Variants in FAAH2 observed in about 807,000 individuals in gnomAD.
The protein encoded by FAAH2 is fatty-acid amide hydrolase 2.
FAAH2 carries 60 observed loss-of-function variants against 36.9 expected under a neutral mutation model. The observed-to-expected ratio is 1.63, with a 90% confidence interval of 1.32 to 2.02. FAAH2 has a LOEUF of 2.02. Among genes scored for constraint, FAAH2 ranks in the 30% most tolerant of loss-of-function variants. FAAH2 has a pLI of 0.00. For synonymous variants in FAAH2, 214 were observed against 143.8 expected (o/e 1.49, Z -3.49); for missense variants, 689 against 397.5 (o/e 1.73, Z -6.23).
chrX:57,304,373 C>A (rs1410543373), intron 2 of FAAH2, among the ~76,000 whole-genome samples: 1 of 111,980 alleles, frequency 8.9e-6, no homozygotes, highest in African/African-American at 3.2e-5. Context: ...TATGTTAGCT[C>A]TAGAATTGAT....
At chrX:57,348,420 C>T (rs1335387526) in intron 5 of FAAH2, among the ~76,000 whole-genome samples, 1 of 111,106 alleles carries the variant, frequency 9.0e-6, no homozygotes, top group Non-Finnish European at 1.9e-5. Flanking sequence ...GGCTTAAGAG[C>T]CCACTTTCCT....
At chrX:57,446,148 G>A (rs2056669570) in intron 8 of FAAH2, among the ~76,000 whole-genome samples, 1 of 112,372 alleles carries the variant, frequency 8.9e-6, no homozygotes, top group African/African-American at 3.2e-5. Context: ...TCACCATCCT[G>A]TAAGCAAACA....
the FAAH2 span, among the ~76,000 whole-genome samples, chrX:57,263,625 CAAAGA>C: frequency 9.0e-6 from 1 of 110,926 alleles, no homozygotes; most frequent in Admixed American, 9.6e-5. Flanking sequence ...TAAGTGAAGG[CAAAGA>C]AAATAGAATA....
chrX:57,402,668 A>C (rs2055467855), intron 7 of FAAH2, among the ~76,000 whole-genome samples: 1 of 111,967 alleles, frequency 8.9e-6, no homozygotes, highest in African/African-American at 3.3e-5. Flanking sequence ...CCAGAAAGGA[A>C]GTAGGATTTT....
At chrX:57,413,010 T>C (rs1215111621) in intron 7 of FAAH2, among the ~76,000 whole-genome samples, 3 of 112,549 alleles carry the variant, frequency 2.7e-5, no homozygotes, top group Non-Finnish European at 3.8e-5. Context: ...GTTTGTTGGC[T>C]GCATAAATAT....
intron 7 of FAAH2, among the ~76,000 whole-genome samples, chrX:57,409,193 A>G (rs1488880033): frequency 8.9e-6 from 1 of 111,768 alleles, no homozygotes; most frequent in Non-Finnish European, 1.9e-5. Flanking sequence ...TTCATTATTG[A>G]CCAAAACATC....
chrX:57,381,295 GTATGTA>G (rs1401126099), intron 7 of FAAH2, among the ~76,000 whole-genome samples: 1 of 111,327 alleles, frequency 9.0e-6, no homozygotes, highest in Admixed American at 9.6e-5. Context: ...TAATAATTTG[GTATGTA>G]TCTATCCAGT....
At chrX:57,310,983 A>G (rs1445766129) in intron 3 of FAAH2, among the ~76,000 whole-genome samples, 2 of 111,900 alleles carry the variant, frequency 1.8e-5, no homozygotes, top group African/African-American at 6.5e-5. Flanking sequence ...TTATAAGAAT[A>G]GTATTATTGA....
At position 57,414,723 on chromosome X, in the gene FAAH2, G is replaced by T. The variant is rs556166291; in HGVS notation, c.997-17195G>T. Among the ~76,000 whole-genome samples, 41 of 111,196 alleles carry T rather than the reference G, an allele frequency of 3.7e-4. 1 individual carries two copies. In the South Asian group the frequency reaches 0.015, roughly 41 times the overall value. ...CAGGTTTTGGTATCAGGATGATGCT[G>T]GACTCATAAAATGAGTTAGGGCGGA... On this transcript the variant is annotated intron_variant, in intron 7 of 10. Transcript: ENST00000374900.
At chrX:57,177,510 A>G in the FAAH2 span, among the ~76,000 whole-genome samples, 1 of 101,432 alleles carries the variant, frequency 9.9e-6, no homozygotes, top group Non-Finnish European at 2.0e-5. Context: ...AAAAAAATTA[A>G]AACAAATGTG....
At chrX:57,149,821 T>A in the FAAH2 span, among the ~76,000 whole-genome samples, 1 of 111,704 alleles carries the variant, frequency 9.0e-6, no homozygotes, top group African/African-American at 3.3e-5. Flanking sequence ...GTGTTTGCTC[T>A]TGCTTTTCTA....
the FAAH2 span, among the ~76,000 whole-genome samples, chrX:57,178,908 C>G: frequency 1.8e-5 from 2 of 111,944 alleles, no homozygotes; most frequent in Non-Finnish European, 3.8e-5. Flanking sequence ...TCAAGCCACA[C>G]TTCTCACAAG....
At chrX:57,211,551 A>C in the FAAH2 span, among the ~76,000 whole-genome samples, 1 of 111,877 alleles carries the variant, frequency 8.9e-6, no homozygotes, top group Non-Finnish European at 1.9e-5. Flanking sequence ...ACAAAGATGA[A>C]ACATAAACTC....
the FAAH2 span, among the ~76,000 whole-genome samples, chrX:57,169,869 A>AAC: frequency 0.033 from 3,344 of 101,638 alleles, 101 homozygotes; most frequent in African/African-American, 0.1. Flanking sequence ...TCTCCTTCTA[A>AAC]ACACACACAC....
upstream of FAAH2, among the ~76,000 whole-genome samples, chrX:57,282,197 G>A (rs746128878): frequency 2.7e-5 from 3 of 112,001 alleles, no homozygotes; most frequent in East Asian, 8.4e-4. Flanking sequence ...CAGTGTATAA[G>A]CTTTCCCTTT....
chrX:57,195,151 G>A, the FAAH2 span, among the ~76,000 whole-genome samples: 2 of 111,599 alleles, frequency 1.8e-5, no homozygotes, highest in African/African-American at 6.5e-5. Flanking sequence ...TTGATCAAAT[G>A]GTAGATCTAC....
At chrX:57,437,830 TATATAA>T (rs1286240165) in intron 8 of FAAH2, among the ~76,000 whole-genome samples, 17 of 102,908 alleles carry the variant, frequency 1.7e-4, no homozygotes, top group African/African-American at 5.9e-4. Context: ...AATTATATAA[TATATAA>T]ATATAATTAT....
At chrX:57,165,533 A>T in the FAAH2 span, among the ~76,000 whole-genome samples, 1 of 107,803 alleles carries the variant, frequency 9.3e-6, no homozygotes, top group Non-Finnish European at 1.9e-5. Flanking sequence ...CACTCTGGGG[A>T]CTGTTGTGGG....
intron 7 of FAAH2, among the ~76,000 whole-genome samples, chrX:57,421,456 G>A (rs1455086542): frequency 1.8e-5 from 2 of 111,531 alleles, no homozygotes; most frequent in South Asian, 7.5e-4. Flanking sequence ...TTTTTTCATA[G>A]TTTTAGAGGG....
Sources: gnomAD v4.1 joint callset for allele counts (sites outside exome capture counted in the v4.1 genomes callset) on GRCh38, gnomAD v4.1.1 for gene constraint, MANE v1.5 for transcripts, NCBI Gene and HGNC (gene_info 2026-07-23, HGNC 2026-07-21) for gene names.